MCC: variants seen among roughly 807,000 people sequenced by gnomAD.
MCC encodes MCC regulator of Wnt signaling pathway, also known as colorectal mutant cancer protein.
MCC carries 90 observed loss-of-function variants against 116.2 expected under a neutral mutation model. That is an observed-to-expected ratio of 0.77 (90% CI 0.65 to 0.92). MCC has a LOEUF of 0.92. MCC is among the 40% of genes least tolerant of loss of function. MCC has a pLI of 0.00. For missense variants in MCC, 1,516 were observed against 1,312.2 expected (o/e 1.16, Z -2.40); for synonymous variants, 578 against 510.5 (o/e 1.13, Z -1.78).
intron 16 of MCC, among the ~76,000 whole-genome samples, chr5:113,044,849 C>T (rs1580911808): frequency 6.6e-6 from 1 of 152,246 alleles, no homozygotes; most frequent in East Asian, 1.9e-4. Flanking sequence ...GCTGGGATCA[C>T]AGGCGTGAGC....
intron 3 of MCC, among the ~76,000 whole-genome samples, chr5:113,309,226 G>A (rs1255104305): frequency 6.6e-6 from 1 of 152,192 alleles, no homozygotes; most frequent in East Asian, 1.9e-4. Flanking sequence ...AGAGGTACAA[G>A]TGATTTTTGG....
At position 113,187,936 on chromosome 5, in the gene MCC, G is replaced by A. The variant is rs1180664295; in HGVS notation, c.628-36514C>T. 2.6e-5 allele frequency among the ~76,000 whole-genome samples: 4 copies of A among 152,202 alleles called. No individual in the cohort carries two copies. The East Asian group carries it at 7.7e-4, about 29-fold the overall frequency. On this transcript the variant is annotated intron_variant, in intron 3 of 18. Transcript: ENST00000408903. ...GTGCATGCTCAGAACAAATTGAGGG[G>A]CAAAGACCTAACAAGAGGGGCATCA...
intron 3 of MCC, among the ~76,000 whole-genome samples, chr5:113,241,496 A>T (rs1197485066): frequency 6.6e-6 from 1 of 152,212 alleles, no homozygotes; most frequent in East Asian, 1.9e-4. Context: ...TATACCACAA[A>T]AAACAGGAGT....
intron 3 of MCC, among the ~76,000 whole-genome samples, chr5:113,309,189 C>A (rs1483983627): frequency 6.6e-6 from 1 of 152,172 alleles, no homozygotes; most frequent in East Asian, 1.9e-4. Flanking sequence ...TACTGTTATA[C>A]ATTCTTTTTT....
chr5:113,285,559 G>T (rs1766220297), intron 3 of MCC, among the ~76,000 whole-genome samples: 1 of 151,978 alleles, frequency 6.6e-6, no homozygotes, highest in African/African-American at 2.4e-5. Context: ...CTGAAGCATA[G>T]CAAGAGTGCC....
At chr5:113,108,070 C>T (rs541015883) in intron 6 of MCC, among the ~76,000 whole-genome samples, 3 of 152,202 alleles carry the variant, frequency 2.0e-5, no homozygotes, top group East Asian at 1.9e-4. Context: ...AGAGGCCAGG[C>T]GCAGTGGCTC....
In MCC at chr5:113,340,706, C is replaced by A. The variant is rs1484959615; in HGVS notation, c.440G>T (p.Ser147Ile). The A allele has an allele frequency of 1.9e-6, 3 of 1,613,528 alleles. No homozygotes were observed. In the East Asian group the frequency reaches 6.7e-5, roughly 36 times the overall value. ...CCTGGCACCAGAGTCGTATTCCCAG[C>A]TCTCCCTGGCTGCTGATAAGGCACC... ...SLGALSAARE[S>I]WEYDSGARDL... Residue 147 changes from serine (S) to isoleucine (I), a missense_variant, in exon 3 of 19, where the codon AGC becomes ATC. Transcript: ENST00000408903.
chr5:113,054,879 G>A (rs529157801), intron 14 of MCC, among the ~76,000 whole-genome samples: 1 of 152,384 alleles, frequency 6.6e-6, no homozygotes, highest in Non-Finnish European at 1.5e-5. Flanking sequence ...CGGCTTTCAA[G>A]TGGGCTCTGG....
At position 113,082,109 on chromosome 5, in the gene MCC, C is replaced by A. The variant is rs972605573; in HGVS notation, c.1784+751G>T. ...TTCTCCTTTGCTTTGTTAGCAACTC[C>A]CTCATCACTGGCATGACACATAAGA... is the stretch of plus-strand genomic sequence containing the variant. On this transcript the variant is annotated intron_variant, in intron 11 of 18. Transcript: ENST00000408903. 3.3e-5 allele frequency among the ~76,000 whole-genome samples: 5 copies of A among 152,218 alleles called. No individual in the cohort carries two copies. In the South Asian group the frequency reaches 1.0e-3, roughly 32 times the overall value.
intron 3 of MCC, among the ~76,000 whole-genome samples, chr5:113,236,393 A>G (rs901011834): frequency 6.6e-6 from 1 of 152,102 alleles, no homozygotes; most frequent in African/African-American, 2.4e-5. Context: ...TATCGAGGAT[A>G]AGAGCATGGG....
chr5:113,264,909 G>C (rs1271314549), intron 3 of MCC, among the ~76,000 whole-genome samples: 1 of 152,090 alleles, frequency 6.6e-6, no homozygotes, highest in Non-Finnish European at 1.5e-5. Flanking sequence ...AGGTGTGGTG[G>C]CACATGCCTG....
chr5:113,152,409 C>A (rs1035595441), intron 3 of MCC, among the ~76,000 whole-genome samples: 3 of 152,180 alleles, frequency 2.0e-5, no homozygotes, highest in Non-Finnish European at 4.4e-5. Context: ...GGAGCTCAGA[C>A]CATCCCCTCA....
chr5:113,482,881 T>G (rs529178368), intron 1 of MCC, among the ~76,000 whole-genome samples: 2 of 152,212 alleles, frequency 1.3e-5, no homozygotes, highest in Non-Finnish European at 2.9e-5. Flanking sequence ...TTAATAGTTA[T>G]AGTTCTTACA....
At chr5:113,322,469 T>A (rs1490170731) in intron 3 of MCC, among the ~76,000 whole-genome samples, 1 of 152,170 alleles carries the variant, frequency 6.6e-6, no homozygotes, top group Non-Finnish European at 1.5e-5. Context: ...AAATCAATTA[T>A]GAGAAAACAA....
At chr5:113,359,258 C>T (rs539101882) in intron 2 of MCC, among the ~76,000 whole-genome samples, 6 of 152,262 alleles carry the variant, frequency 3.9e-5, no homozygotes, top group Middle Eastern at 3.4e-3. Context: ...CTCTCCCCTT[C>T]CCCCACCCCA....
chr5:113,122,169 C>G (rs1281175950), intron 6 of MCC, among the ~76,000 whole-genome samples: 1 of 152,206 alleles, frequency 6.6e-6, no homozygotes, highest in Non-Finnish European at 1.5e-5. Context: ...GGATATTTCT[C>G]TACAACCTCA....
chr5:113,226,756 T>C (rs1763757807), intron 3 of MCC, among the ~76,000 whole-genome samples: 1 of 152,172 alleles, frequency 6.6e-6, no homozygotes, highest in Admixed American at 6.5e-5. Flanking sequence ...TTATGGGTAA[T>C]TTTAGTGTTT....
chr5:113,459,363 C>T (rs1771680972), intron 1 of MCC, among the ~76,000 whole-genome samples: 1 of 151,852 alleles, frequency 6.6e-6, no homozygotes, highest in Admixed American at 6.6e-5. Flanking sequence ...TGATGAAATG[C>T]TGTCTCTCCT....
intron 3 of MCC, among the ~76,000 whole-genome samples, chr5:113,153,906 A>T (rs1263151520): frequency 6.6e-6 from 1 of 152,252 alleles, no homozygotes; most frequent in Admixed American, 6.5e-5. Flanking sequence ...AAGGTCTCAC[A>T]GTCAGCTGAG....
Sources: gnomAD v4.1 joint callset for allele counts (sites outside exome capture counted in the v4.1 genomes callset) on GRCh38, gnomAD v4.1.1 for gene constraint, MANE v1.5 for transcripts, NCBI Gene and HGNC (gene_info 2026-07-23, HGNC 2026-07-21) for gene names.